The following CNBD1 variants were observed in gnomAD, a reference collection of about 807,000 sequenced individuals.
The protein encoded by CNBD1 is cyclic nucleotide binding domain containing 1, also known as cyclic nucleotide-binding domain-containing protein 1.
CNBD1 carries 71 observed loss-of-function variants against 54.4 expected under a neutral mutation model. The ratio of observed to expected loss-of-function variants is 1.30; its 90% confidence interval spans 1.08 to 1.59. The LOEUF (loss-of-function observed/expected upper bound fraction) is 1.59. Among genes scored for constraint, CNBD1 ranks in the 40% most tolerant of loss-of-function variants. The pLI, the probability that CNBD1 is intolerant of heterozygous loss-of-function variation, is 0.00. For synonymous variants in CNBD1, 182 were observed against 170.7 expected (o/e 1.07, Z -0.51); for missense variants, 659 against 518.0 (o/e 1.27, Z -2.64).
intron 4 of CNBD1, among the ~76,000 whole-genome samples, chr8:86,967,017 A>G (rs1257055849): frequency 1.3e-5 from 2 of 152,280 alleles, no homozygotes; most frequent in East Asian, 3.9e-4. Context: ...CTTTAGCTAG[A>G]CACAGAGCAC....
intron 8 of CNBD1, among the ~76,000 whole-genome samples, chr8:87,307,808 C>T (rs1809189536): frequency 6.7e-6 from 1 of 149,966 alleles, no homozygotes; most frequent in Non-Finnish European, 1.5e-5. Flanking sequence ...GGATTCTAAA[C>T]TAATATCTTT....
chr8:87,037,559 A>G (rs1439113281), intron 4 of CNBD1, among the ~76,000 whole-genome samples: 5 of 152,066 alleles, frequency 3.3e-5, no homozygotes. Context: ...CCTTTTTAAG[A>G]TGAAAATTTT....
intron 2 of CNBD1, among the ~76,000 whole-genome samples, chr8:87,389,371 T>C (rs1182445174): frequency 6.6e-6 from 1 of 152,130 alleles, no homozygotes; most frequent in Non-Finnish European, 1.5e-5. Context: ...CAGCCCAAAA[T>C]CTCTTCAAGC....
At chr8:87,315,884 A>C (rs545887597) in intron 8 of CNBD1, among the ~76,000 whole-genome samples, 1 of 152,134 alleles carries the variant, frequency 6.6e-6, no homozygotes, top group East Asian at 1.9e-4. Flanking sequence ...AAAAGAATAA[A>C]TGTTTGAGGT....
chr8:86,899,758 G>C (rs1283359495), intron 2 of CNBD1, among the ~76,000 whole-genome samples: 2 of 152,038 alleles, frequency 1.3e-5, no homozygotes, highest in Admixed American at 6.6e-5. Flanking sequence ...GTAACATGTG[G>C]CCTAAATTAT....
At chr8:87,236,621 A>C (rs1807588714) in intron 5 of CNBD1, among the ~76,000 whole-genome samples, 1 of 152,102 alleles carries the variant, frequency 6.6e-6, no homozygotes, top group South Asian at 2.1e-4. Flanking sequence ...CAATGTCTCA[A>C]ATCTATTAAT....
At chr8:87,227,396 G>A (rs1438413803) in intron 5 of CNBD1, among the ~76,000 whole-genome samples, 2 of 149,432 alleles carry the variant, frequency 1.3e-5, no homozygotes, top group African/African-American at 5.0e-5. Flanking sequence ...TCCTTTCCAT[G>A]TTTAGCGCTT....
chr8:87,137,177 AT>A (rs1225174287), intron 4 of CNBD1, among the ~76,000 whole-genome samples: 1 of 139,702 alleles, frequency 7.2e-6, no homozygotes, highest in South Asian at 2.2e-4. Context: ...TATATATTAT[AT>A]TTTTATTCTA....
intron 5 of CNBD1, among the ~76,000 whole-genome samples, chr8:87,217,575 T>A (rs1348114913): frequency 2.9e-5 from 1 of 34,972 alleles, no homozygotes; most frequent in Non-Finnish European, 9.2e-5. Flanking sequence ...TTATTAAGCT[T>A]TTTTTTTTTT....
intron 8 of CNBD1, among the ~76,000 whole-genome samples, chr8:87,302,600 A>G (rs1384053589): frequency 1.3e-5 from 2 of 151,454 alleles, no homozygotes; most frequent in South Asian, 2.1e-4. Context: ...CTCTCTCACC[A>G]CTCCTATTCA....
At chr8:87,032,623 G>C (rs1488838800) in intron 4 of CNBD1, among the ~76,000 whole-genome samples, 9 of 151,748 alleles carry the variant, frequency 5.9e-5, no homozygotes, top group Non-Finnish European at 1.2e-4. Context: ...GAAGAGACAG[G>C]GATACTCTGT....
chr8:87,175,929 G>A (rs953323743), intron 4 of CNBD1, among the ~76,000 whole-genome samples: 1 of 152,120 alleles, frequency 6.6e-6, no homozygotes, highest in South Asian at 2.1e-4. Flanking sequence ...GGCTAGGGCG[G>A]GTCTGAATAC....
At chr8:87,256,252 G>A (rs1017848322) in intron 6 of CNBD1, among the ~76,000 whole-genome samples, 8 of 150,834 alleles carry the variant, frequency 5.3e-5, no homozygotes, top group South Asian at 2.1e-4. Flanking sequence ...TGAGCTCCTG[G>A]CCTCAGTGAT....
intron 4 of CNBD1, among the ~76,000 whole-genome samples, chr8:87,168,796 T>C (rs1813025236): frequency 1.3e-5 from 2 of 152,240 alleles, no homozygotes; most frequent in South Asian, 4.1e-4. Flanking sequence ...AGTACTCCAC[T>C]GTGTATATGT....
Position 86,927,931 on chromosome 8 carries a change from C to A in CNBD1, c.273-11665C>A, listed in dbSNP as rs137936828. 1.9e-4 allele frequency among the ~76,000 whole-genome samples: 29 copies of A among 152,112 alleles called. No individual in the cohort carries two copies. The East Asian group carries it at 4.7e-3, about 24-fold the overall frequency. On this transcript the variant is annotated intron_variant, in intron 3 of 10. Coordinates refer to ENST00000518476, the MANE Select transcript of CNBD1 (RefSeq NM_173538.3). Reference sequence around the variant, plus strand: ...ATTTTGGGACTCCTGAGCTGATGGTCTTGCAGGTTCCTCAGGGGGTGTCCA... The same window carrying A: ...ATTTTGGGACTCCTGAGCTGATGGTATTGCAGGTTCCTCAGGGGGTGTCCA...
chr8:86,874,004 A>G (rs940839718), intron 1 of CNBD1, among the ~76,000 whole-genome samples: 7 of 152,210 alleles, frequency 4.6e-5, no homozygotes, highest in African/African-American at 1.7e-4. Context: ...CTTGGACCCC[A>G]TTCAAATTTG....
chr8:86,902,934 T>C (rs181463844), intron 2 of CNBD1, among the ~76,000 whole-genome samples: 85 of 152,246 alleles, frequency 5.6e-4, no homozygotes, highest in African/African-American at 1.7e-3. Flanking sequence ...TTTTAGACAA[T>C]AATACTTTTC....
chr8:86,921,880 G>A (rs1809280566), intron 3 of CNBD1, among the ~76,000 whole-genome samples: 1 of 152,096 alleles, frequency 6.6e-6, no homozygotes, highest in Non-Finnish European at 1.5e-5. Context: ...GTCAGAGAGG[G>A]CCTCTGTGCT....
At chr8:86,926,118 C>T (rs896584831) in intron 3 of CNBD1, among the ~76,000 whole-genome samples, 4 of 152,036 alleles carry the variant, frequency 2.6e-5, no homozygotes, top group Admixed American at 6.6e-5. Context: ...TTTTACAGAG[C>T]GCTGATTGGT....
Sources: allele counts gnomAD v4.1 joint callset (sites outside exome capture counted in the v4.1 genomes callset), GRCh38; gene constraint gnomAD v4.1.1; transcripts MANE v1.5; gene names NCBI Gene and HGNC (gene_info 2026-07-23, HGNC 2026-07-21).